The following XDH variants were observed in gnomAD, a reference collection of about 807,000 sequenced individuals.
The protein encoded by XDH is xanthine dehydrogenase/oxidase.
Under a neutral mutation model 156.1 loss-of-function variants are expected in XDH, and 138 were observed. The observed-to-expected ratio is 0.88, with a 90% CI of 0.77 to 1.02. XDH has a LOEUF of 1.02. Ranked by LOEUF, XDH falls within the 50% of genes least tolerant of loss-of-function variation. The probability of loss-of-function intolerance (pLI) is 0.00; values close to 1 mark genes in which losing one functional copy is unlikely to be tolerated. For synonymous variants in XDH, 669 were observed against 625.7 expected (o/e 1.07, Z -1.03); for missense variants, 1,849 against 1,684.9 (o/e 1.10, Z -1.71).
intron 5 of XDH, 152 bp from the exon 6 acceptor site, chr2:31,397,881 C>T: frequency 2.4e-6 from 2 of 822,210 alleles, no homozygotes; most frequent in South Asian, 3.0e-5. Context: ...CTTCTCATAT[C>T]CTGACTTCAG....
chr2:31,383,040 C>T lies in XDH; in HGVS notation c.999G>A (p.Gln333=). 6.2e-6 allele frequency: 10 copies of T among 1,614,220 alleles called. No individual in the cohort carries two copies. The highest frequency in any genetic ancestry group is 8.5e-6 in the Non-Finnish European group (10 of 1,180,038). ...KTEVFRGVLE[Q]LRWFAGKQVK... The stretch of plus-strand genomic sequence containing the variant: ...CTTGCTTCCCAGCAAACCAGCGCAG[C>T]TGCTCCAGGACCCCTCTGAACACCT... Residue 333 remains glutamine, a synonymous_variant, in exon 11 of 36, where the codon CAG becomes CAA. Coordinates refer to ENST00000379416, the MANE Select transcript of XDH (RefSeq NM_000379.4).
intron 14 of XDH, among the ~76,000 whole-genome samples, chr2:31,376,052 T>C (rs1686236210): frequency 6.6e-6 from 1 of 152,162 alleles, no homozygotes; most frequent in Admixed American, 6.5e-5. Context: ...AGGATAATGT[T>C]AGTGAAGTGT....
intron 35 of XDH, among the ~76,000 whole-genome samples, chr2:31,336,314 C>T (rs1223492238): frequency 6.6e-6 from 1 of 152,234 alleles, no homozygotes; most frequent in African/African-American, 2.4e-5. Flanking sequence ...ATCAGCTGCT[C>T]ATGCAAATCC....
chr2:31,340,284 T>C (rs1266703780), intron 33 of XDH, among the ~76,000 whole-genome samples: 2 of 152,226 alleles, frequency 1.3e-5, no homozygotes, highest in African/African-American at 4.8e-5. Context: ...GCTTGGTGCC[T>C]GGCCACAGTA....
chr2:31,366,866 C>G lies in XDH; in HGVS notation c.2322+4G>C. On this transcript the variant is annotated splice_donor_region_variant and intron_variant, in intron 21 of 35. Transcript: ENST00000379416. ...CCCCTTGAGCTGACCCAAAAGGCAT[C>G]TACCTGGGTCTTCATGGTGTTCTGT... The G allele has an allele frequency of 6.2e-7, 1 of 1,614,120 alleles. No individual in the cohort carries two copies. The highest frequency in any genetic ancestry group is 8.5e-7 in the Non-Finnish European group (1 of 1,180,036).
chr2:31,394,671 C>T (rs1050114235), intron 6 of XDH, among the ~76,000 whole-genome samples: 1 of 152,160 alleles, frequency 6.6e-6, no homozygotes, highest in Non-Finnish European at 1.5e-5. Context: ...TCTCGTTACA[C>T]ATATGTTACA....
intron 13 of XDH, among the ~76,000 whole-genome samples, chr2:31,378,322 T>C (rs1411272532): frequency 3.3e-5 from 5 of 152,126 alleles, no homozygotes; most frequent in Non-Finnish European, 7.3e-5. Flanking sequence ...GAGGAGAGCA[T>C]GAGCTATTTT....
intron 31 of XDH, among the ~76,000 whole-genome samples, chr2:31,343,637 TTG>T (rs1453811963): frequency 6.8e-6 from 1 of 147,132 alleles, no homozygotes; most frequent in Non-Finnish European, 1.5e-5. Context: ...TAGAAATGTT[TTG>T]TGTGTGTACA....
chr2:31,362,089 A>G (rs546835972), intron 24 of XDH, among the ~76,000 whole-genome samples: 3 of 152,340 alleles, frequency 2.0e-5, no homozygotes, highest in African/African-American at 7.2e-5. Context: ...CTTTACAATT[A>G]CAAATGAGCA....
At chr2:31,412,259 T>C (rs1282748301) in intron 1 of XDH, among the ~76,000 whole-genome samples, 1 of 152,204 alleles carries the variant, frequency 6.6e-6, no homozygotes, top group Non-Finnish European at 1.5e-5. Flanking sequence ...TCAAGGCTCA[T>C]CACCACCACA....
At position 31,397,747 on chromosome 2, in the gene XDH, A is replaced by C; in HGVS notation, c.434-18T>G. 1 of 1,614,078 alleles carries C rather than the reference A, an allele frequency of 6.2e-7. No homozygotes were observed. The highest frequency in any genetic ancestry group is 8.5e-7 in the Non-Finnish European group (1 of 1,180,008). Reference sequence around the variant, plus strand: ...CAGATTTCCTGTGGGCCAAGGAAAAAACTGCAATGTCAGTGCAGGGCCCTG... The same window carrying C: ...CAGATTTCCTGTGGGCCAAGGAAAACACTGCAATGTCAGTGCAGGGCCCTG... On this transcript the variant is annotated intron_variant, in intron 5 of 35. Transcript: ENST00000379416.
At position 31,364,244 on chromosome 2, in the gene XDH, C is replaced by A; in HGVS notation, c.2545G>T (p.Val849Phe). ...GRHPFLARYK[V>F]GFMKTGTVVA... ...ACTGTCCCAGTCTTCATGAAGCCAA[C>A]CTGATAAAAGGAGAAAGGAGAGGGA... Residue 849 changes from valine (V) to phenylalanine (F), a missense_variant and splice_region_variant, in exon 24 of 36, where the codon GTT becomes TTT. Transcript: ENST00000379416. The A allele has an allele frequency of 1.2e-6, 2 of 1,614,116 alleles. No individual in the cohort carries two copies. The highest frequency in any genetic ancestry group is 1.7e-6 in the Non-Finnish European group (2 of 1,180,006).
At chr2:31,398,479 T>C in intron 5 of XDH, 94 bp downstream of exon 5, 1 of 1,600,304 alleles carries the variant, frequency 6.2e-7, no homozygotes, top group Middle Eastern at 2.0e-4. Context: ...CTCCAAAGGG[T>C]AGTCCCTCAT....
At chr2:31,372,858 T>C (rs1022845591) in intron 16 of XDH, among the ~76,000 whole-genome samples, 24 of 152,084 alleles carry the variant, frequency 1.6e-4, no homozygotes, top group Admixed American at 7.9e-4. Flanking sequence ...TAGGAAATAA[T>C]GAAAAGAATT....
chr2:31,338,038 A>T (rs1477283001), intron 34 of XDH, among the ~76,000 whole-genome samples: 1 of 152,232 alleles, frequency 6.6e-6, no homozygotes. Flanking sequence ...CCGCATGGAC[A>T]TATTTCTTTG....
Position 31,337,723 on chromosome 2 carries a change from TTA to T in XDH, c.3867_3868del (p.Asn1289LysfsTer99). ...GTCTAGCCGGAAGAGTTCCTTCACG[TTA>T]TTACCTGTGTGCTGAGCTCGAGCTG... On this transcript the variant is annotated frameshift_variant, in exon 35 of 36. Transcript: ENST00000379416. LOFTEE classifies it high-confidence loss of function. 1 of 1,614,174 alleles carries T rather than the reference TTA, an allele frequency of 6.2e-7. No homozygotes were observed. The highest frequency in any genetic ancestry group is 8.5e-7 in the Non-Finnish European group (1 of 1,180,026).
intron 1 of XDH, among the ~76,000 whole-genome samples, chr2:31,407,094 G>A (rs746046055): frequency 2.6e-4 from 40 of 152,136 alleles, no homozygotes; most frequent in African/African-American, 9.7e-5. Context: ...TAAGGTTTTC[G>A]TTGGAGGGAA....
At position 31,392,448 on chromosome 2, in the gene XDH, G is replaced by C. The variant is rs1251824084; in HGVS notation, c.496-4153C>G. Among the ~76,000 whole-genome samples, 3 of 150,566 alleles carry C rather than the reference G, an allele frequency of 2.0e-5. No individual in the cohort carries two copies. The East Asian group carries it at 5.9e-4, about 29-fold the overall frequency. On this transcript the variant is annotated intron_variant, in intron 6 of 35. Transcript: ENST00000379416. ...ATTTATTTATTTATTTATTTGAAAT[G>C]GAGTCTCACTCTGTCACCCAGGCTG...
chr2:31,365,391 C>T (rs1171887503), intron 23 of XDH, 66 bp downstream of exon 23: 4 of 1,561,788 alleles, frequency 2.6e-6, no homozygotes, highest in Non-Finnish European at 3.5e-6. Flanking sequence ...GATGCCTGGA[C>T]ATTCGGTCCC....
Sources: gnomAD v4.1 joint callset for allele counts (sites outside exome capture counted in the v4.1 genomes callset) on GRCh38, gnomAD v4.1.1 for gene constraint, MANE v1.5 for transcripts, NCBI Gene and HGNC (gene_info 2026-07-23, HGNC 2026-07-21) for gene names.